The following IAH1 variants were observed in gnomAD, a reference collection of about 807,000 sequenced individuals.
IAH1 encodes isoamyl acetate-hydrolyzing esterase 1 homolog.
A neutral mutation model predicts 26.7 loss-of-function variants in IAH1; 24 were observed. That is an observed-to-expected ratio of 0.90 (90% CI 0.65 to 1.26). The LOEUF is 1.26. Ranked by LOEUF, IAH1 falls within the 50% of genes most tolerant of loss-of-function variation. IAH1 has a pLI of 0.00. For missense variants in IAH1, 300 were observed against 299.9 expected (o/e 1.00, Z 0.00); for synonymous variants, 140 against 118.5 (o/e 1.18, Z -1.18).
At chr2:9,493,742 C>A, downstream of IAH1, 1 of 1,612,486 alleles carries the variant, frequency 6.2e-7, no homozygotes, top group Middle Eastern at 1.7e-4. Flanking sequence ...GGGGAAATCA[C>A]CTACCAAAAG....
At chr2:9,484,009 A>G (rs965613445) in intron 4 of IAH1, among the ~76,000 whole-genome samples, 1 of 152,240 alleles carries the variant, frequency 6.6e-6, no homozygotes, top group Non-Finnish European at 1.5e-5. Flanking sequence ...ACATGTAAGA[A>G]GCCAGCGGTG....
downstream of IAH1, among the ~76,000 whole-genome samples, chr2:9,499,158 G>A (rs143866237): frequency 8.9e-3 from 1,165 of 131,350 alleles, 10 homozygotes; most frequent in Non-Finnish European, 0.013. Context: ...AGCTTTTCCT[G>A]CTAGAAAATA....
downstream of IAH1, chr2:9,492,851 T>C: frequency 1.3e-6 from 2 of 1,515,372 alleles, no homozygotes; most frequent in East Asian, 2.4e-5. Context: ...TTGGAGTTGA[T>C]CAAAATTTAA....
At chr2:9,491,179 C>T (rs752991112), downstream of IAH1, 8 of 1,599,474 alleles carry the variant, frequency 5.0e-6, no homozygotes, top group Non-Finnish European at 6.9e-6. Context: ...GAAGGTCATT[C>T]CCTACAAATA....
chr2:9,479,926 A>G (rs1661067674), intron 3 of IAH1, among the ~76,000 whole-genome samples: 1 of 145,654 alleles, frequency 6.9e-6, no homozygotes, highest in African/African-American at 2.5e-5. Context: ...CTCCTGCTTC[A>G]GCCTCCCGAG....
upstream of IAH1, chr2:9,473,823 A>G (rs1323364511): frequency 3.3e-5 from 5 of 152,082 alleles, no homozygotes; most frequent in African/African-American, 1.2e-4. Context: ...TTACTCATCT[A>G]CAGCTCCGTG....
intron 6 of IAH1, among the ~76,000 whole-genome samples, chr2:9,496,159 C>T (rs759684670): frequency 6.6e-6 from 1 of 151,918 alleles, no homozygotes; most frequent in Non-Finnish European, 1.5e-5. Flanking sequence ...AATGGAGTCT[C>T]GCTCTGTTGC....
At chr2:9,508,235 A>G in the IAH1 span, among the ~76,000 whole-genome samples, 4 of 152,314 alleles carry the variant, frequency 2.6e-5, no homozygotes, top group East Asian at 5.8e-4. Flanking sequence ...TCCTAGTCAC[A>G]TATTTTACAG....
the IAH1 span, among the ~76,000 whole-genome samples, chr2:9,504,168 C>T: frequency 6.6e-6 from 1 of 151,796 alleles, no homozygotes; most frequent in South Asian, 2.1e-4. Context: ...AAATAAAGGC[C>T]AGGCACGGTG....
chr2:9,504,544 A>G, the IAH1 span, among the ~76,000 whole-genome samples: 1 of 152,130 alleles, frequency 6.6e-6, no homozygotes. Context: ...AGGTGGATGG[A>G]TCACAAGGTC....
the IAH1 span, among the ~76,000 whole-genome samples, chr2:9,505,831 C>T: frequency 6.6e-6 from 1 of 152,172 alleles, no homozygotes; most frequent in Non-Finnish European, 1.5e-5. Flanking sequence ...TCTTCTCCTT[C>T]TTTGGCTACT....
downstream of IAH1, chr2:9,490,618 G>A: frequency 4.0e-6 from 5 of 1,239,030 alleles, no homozygotes; most frequent in Non-Finnish European, 5.5e-6. Context: ...TATTCTGTTG[G>A]CACTGTGATG....
the IAH1 span, among the ~76,000 whole-genome samples, chr2:9,511,096 C>T: frequency 1.3e-5 from 2 of 152,018 alleles, no homozygotes. Context: ...TCGGCCCAAT[C>T]ACATGTCTGT....
In IAH1 at chr2:9,474,570, G is replaced by T. The variant is rs572817126; in HGVS notation, c.4G>T (p.Ala2Ser). The change falls in exon 1 of 6, where the codon GCG becomes TCG. Residue 2 changes from alanine to serine, a missense_variant. By Grantham distance (99) the Ala-to-Ser change is moderately conservative (BLOSUM62 1). Transcript: ENST00000497473. The surrounding 1 kb of genome is among the most constrained non-coding windows in gnomAD (Gnocchi z 4.3). Reference sequence around the variant, plus strand: ...CCCCGCCCCGCCCGGCTGCTCCATGGCGCTGTGCGAGGCCGCGGGCTGCGG... The same window carrying T: ...CCCCGCCCCGCCCGGCTGCTCCATGTCGCTGTGCGAGGCCGCGGGCTGCGG... M[A>S]LCEAAGCGSA... The T allele has an allele frequency of 2.0e-6, 3 of 1,485,766 alleles. No homozygotes were observed. Among genetic ancestry groups the T allele is most frequent in the Non-Finnish European group, 1.8e-6 (2 of 1,112,350 alleles). The allele number at this position is 1,485,766 out of a possible 1,614,324, so 92.0% of individuals were successfully genotyped here.
At chr2:9,493,193 G>A (rs1662301833), downstream of IAH1, among the ~76,000 whole-genome samples, 1 of 152,192 alleles carries the variant, frequency 6.6e-6, no homozygotes, top group Non-Finnish European at 1.5e-5. Flanking sequence ...TATACTGGCT[G>A]ACAGGAAGAG....
chr2:9,474,383 G>C (rs1682341815), upstream of IAH1: 1 of 427,240 alleles, frequency 2.3e-6, no homozygotes, highest in Non-Finnish European at 4.1e-6. This position sits in a 1 kb window ranked among gnomAD's most constrained non-coding sequence, Gnocchi z 4.3. Flanking sequence ...GGGCAGCCTT[G>C]CTGTGGGTGA....
At position 9,489,622 on chromosome 2, in the gene IAH1, A is replaced by G. The variant is rs1036700330; in HGVS notation, c.*1293A>G. The G allele has an allele frequency of 2.1e-4, 31 of 151,158 alleles. No individual in the cohort carries two copies. The highest frequency in any genetic ancestry group is 4.0e-4 in the Non-Finnish European group (27 of 67,924). The allele number at this position is 151,158 out of a possible 1,614,324, so 9.4% of individuals were successfully genotyped here. A position where few individuals can be genotyped will look rare whatever the true frequency, so the allele number is the denominator to read the frequency against. ...CCAAATGATTTCTAAATTTAGATAT[A>G]TATTTTCCCTGCTACATAAAAACTC... On this transcript the variant is annotated 3_prime_UTR_variant, in exon 6 of 6. Coordinates refer to ENST00000497473, the MANE Select transcript of IAH1 (RefSeq NM_001039613.3).
At chr2:9,503,828 A>C in the IAH1 span, among the ~76,000 whole-genome samples, 3 of 128,184 alleles carry the variant, frequency 2.3e-5, no homozygotes, top group South Asian at 2.5e-4. Flanking sequence ...ACAGAGCAAG[A>C]CTCCGTCTCA....
chr2:9,504,426 A>G, the IAH1 span, among the ~76,000 whole-genome samples: 1 of 151,878 alleles, frequency 6.6e-6, no homozygotes, highest in Non-Finnish European at 1.5e-5. Context: ...GCCTGGCAAC[A>G]GAGCGAGACG....
Sources: gnomAD v4.1 joint callset for allele counts (sites outside exome capture counted in the v4.1 genomes callset) on GRCh38, gnomAD v4.1.1 for gene constraint, Gnocchi (gnomAD v3.1) non-coding constraint, MANE v1.5 for transcripts, NCBI Gene and HGNC (gene_info 2026-07-23, HGNC 2026-07-21) for gene names.